The following TIAM1 variants were observed in gnomAD, a reference collection of about 807,000 sequenced individuals.
TIAM1 encodes TIAM Rac1 associated GEF 1, also known as rho guanine nucleotide exchange factor TIAM1.
In TIAM1, 65 loss-of-function variants were observed where a neutral mutation model predicts 163.5. The observed-to-expected ratio is 0.40, with a 90% CI of 0.33 to 0.49. TIAM1 has a LOEUF of 0.49. Ranked by LOEUF, TIAM1 falls within the 20% of genes least tolerant of loss-of-function variation. The probability of loss-of-function intolerance (pLI) is 0.77; values close to 1 mark genes in which losing one functional copy is unlikely to be tolerated. For synonymous variants in TIAM1, 833 were observed against 810.1 expected, an observed-to-expected ratio of 1.03 and a Z score of -0.48; for missense variants, 1,789 against 2,044.7, an observed-to-expected ratio of 0.87 and a Z score of 2.41.
At chr21:31,524,142 T>C (rs956245537) in intron 1 of TIAM1, among the ~76,000 whole-genome samples, 8 of 152,152 alleles carry the variant, frequency 5.3e-5, no homozygotes, top group African/African-American at 1.7e-4. Flanking sequence ...TTTGCATTGC[T>C]GTAAGGAAAT....
At chr21:31,227,915 CT>C (rs1223984226) in intron 6 of TIAM1, among the ~76,000 whole-genome samples, 2 of 151,190 alleles carry the variant, frequency 1.3e-5, no homozygotes, top group Non-Finnish European at 2.9e-5. Flanking sequence ...ACTCCCAGCC[CT>C]TTTTTTTGAG....
intron 2 of TIAM1, among the ~76,000 whole-genome samples, chr21:31,296,857 G>A (rs1184039269): frequency 6.6e-6 from 1 of 152,136 alleles, no homozygotes; most frequent in Non-Finnish European, 1.5e-5. Context: ...TAGAGATGGG[G>A]TTTCATCGTG....
intron 2 of TIAM1, among the ~76,000 whole-genome samples, chr21:31,319,276 C>T (rs575363865): frequency 6.6e-6 from 1 of 151,938 alleles, no homozygotes; most frequent in South Asian, 2.1e-4. Flanking sequence ...TGTACAAGTG[C>T]ATAGTTGAGT....
rs540701113 is a variant in TIAM1, at chr21:31,313,759, T to C, written c.-189+25484A>G. 1.8e-4 allele frequency among the ~76,000 whole-genome samples: 28 copies of C among 152,304 alleles called. No individual in the cohort carries two copies. The East Asian group carries it at 5.2e-3, about 28-fold the overall frequency. On this transcript the variant is annotated intron_variant, in intron 2 of 27. Transcript: ENST00000541036. Reference sequence around the variant, plus strand: ...CCCAGCTAATTTTTTGTACTTTCAGTAGAGACGCGGTTTCACCATGTTGGC... The same window carrying C: ...CCCAGCTAATTTTTTGTACTTTCAGCAGAGACGCGGTTTCACCATGTTGGC...
chr21:31,161,981 G>T (rs1385955371), intron 16 of TIAM1, among the ~76,000 whole-genome samples: 1 of 152,050 alleles, frequency 6.6e-6, no homozygotes, highest in Non-Finnish European at 1.5e-5. Context: ...AAATTTAAGT[G>T]GTTTATGGCT....
chr21:31,209,903 G>T, intron 11 of TIAM1, 142 bp downstream of exon 11: 8 of 788,400 alleles, frequency 1.0e-5, no homozygotes, highest in Non-Finnish European at 1.4e-5. Flanking sequence ...ACAAAGGAAT[G>T]CAATGCTGCT....
At chr21:31,468,907 C>A (rs923088893) in intron 1 of TIAM1, among the ~76,000 whole-genome samples, 1 of 151,968 alleles carries the variant, frequency 6.6e-6, no homozygotes, top group African/African-American at 2.4e-5. Context: ...TGGGGAGGCA[C>A]CACGGGCAGG....
intron 2 of TIAM1, among the ~76,000 whole-genome samples, chr21:31,291,042 T>C (rs1227774342): frequency 2.6e-5 from 4 of 152,142 alleles, no homozygotes; most frequent in Non-Finnish European, 4.4e-5. Context: ...AACCGCACCA[T>C]ATGTAGAAGA....
chr21:31,266,274 A>T lies in TIAM1; in HGVS notation c.699T>A (p.Gly233=), dbSNP rs748981059. 3.1e-6 allele frequency: 5 copies of T among 1,613,992 alleles called. No homozygotes were observed. Among genetic ancestry groups the T allele is most frequent in the Non-Finnish European group, 4.2e-6 (5 of 1,180,020 alleles). ...LSTCQRANSL[G]DLYAQKNSGV... is the part of the protein sequence containing the mutation. ...CAGAGTTTTTCTGAGCATACAAGTC[A>T]CCCAAGGAATTGGCTCTCTGACAGG... The change falls in exon 4 of 28, where the codon GGT becomes GGA. Residue 233 remains glycine, a synonymous_variant. Transcript: ENST00000541036.
intron 25 of TIAM1, 81 bp from the exon 26 acceptor site, chr21:31,127,233 G>C: frequency 7.9e-7 from 1 of 1,272,224 alleles, no homozygotes. Flanking sequence ...TTTTTCAGCT[G>C]TGATAGAGGA....
chr21:31,200,857 G>A (rs2086160976), intron 12 of TIAM1, among the ~76,000 whole-genome samples: 1 of 152,162 alleles, frequency 6.6e-6, no homozygotes, highest in African/African-American at 2.4e-5. Flanking sequence ...GCAAGACTGT[G>A]GCATTTGCAT....
At chr21:31,366,898 G>A (rs958590066) in intron 2 of TIAM1, among the ~76,000 whole-genome samples, 4 of 152,172 alleles carry the variant, frequency 2.6e-5, no homozygotes, top group Admixed American at 6.5e-5. Context: ...GATTATAGGC[G>A]TGAGTCACCA....
intron 15 of TIAM1, among the ~76,000 whole-genome samples, chr21:31,165,743 T>G (rs1424743070): frequency 6.6e-6 from 1 of 151,958 alleles, no homozygotes; most frequent in African/African-American, 2.4e-5. Context: ...ATTAGCAAAT[T>G]GATGAATTAA....
chr21:31,464,669 C>T (rs2045457462), intron 1 of TIAM1, among the ~76,000 whole-genome samples: 1 of 151,820 alleles, frequency 6.6e-6, no homozygotes, highest in Non-Finnish European at 1.5e-5. Context: ...ATGGTGAAAC[C>T]CTGTCTCTAC....
intron 2 of TIAM1, among the ~76,000 whole-genome samples, chr21:31,288,458 T>C (rs57344875): frequency 3.5e-4 from 53 of 152,212 alleles, no homozygotes; most frequent in African/African-American, 1.2e-3. Flanking sequence ...CCTCTCCTGA[T>C]AGAAAGGGCA....
At chr21:31,239,927 C>T (rs547142032) in intron 6 of TIAM1, among the ~76,000 whole-genome samples, 7 of 152,198 alleles carry the variant, frequency 4.6e-5, no homozygotes, top group Non-Finnish European at 7.4e-5. Flanking sequence ...TTTGGCATAT[C>T]CTGAATATGT....
chr21:31,522,074 T>C (rs1029790411), intron 1 of TIAM1, among the ~76,000 whole-genome samples: 1 of 151,836 alleles, frequency 6.6e-6, no homozygotes, highest in Non-Finnish European at 1.5e-5. Flanking sequence ...GGTTTCACCA[T>C]GTTAACCAGG....
chr21:31,401,393 CACTAGGCAAGAA>C (rs1203621195), intron 2 of TIAM1, among the ~76,000 whole-genome samples: 1 of 152,146 alleles, frequency 6.6e-6, no homozygotes, highest in Non-Finnish European at 1.5e-5. Context: ...TGGAAGCTAA[CACTAGGCAAGAA>C]AAAATGGGCC....
intron 2 of TIAM1, among the ~76,000 whole-genome samples, chr21:31,451,759 G>GACACAGAAAGAGAGAGAGAA (rs2044863183): frequency 7.7e-6 from 1 of 130,242 alleles, no homozygotes. Context: ...GTGTGTGTGT[G>GACACAGAAAGAGAGAGAGAA]TGAGACACAG....
Sources: allele counts gnomAD v4.1 joint callset (sites outside exome capture counted in the v4.1 genomes callset), GRCh38; gene constraint gnomAD v4.1.1; transcripts MANE v1.5; gene names NCBI Gene and HGNC (gene_info 2026-07-23, HGNC 2026-07-21).